Variants in AKT2 observed in about 807,000 individuals in gnomAD.
The protein encoded by AKT2 is AKT serine/threonine kinase 2.
AKT2 carries 16 observed loss-of-function variants against 58.6 expected under a neutral mutation model. The ratio of observed to expected loss-of-function variants is 0.27; its 90% CI spans 0.18 to 0.41. AKT2 has a LOEUF of 0.41. Ranked by LOEUF, AKT2 falls within the 10% of genes least tolerant of loss-of-function variation. The pLI is 1.00. For synonymous variants in AKT2, 253 were observed against 254.0 expected, an observed-to-expected ratio of 1.00 and a Z score of 0.04; for missense variants, 438 against 661.0, an observed-to-expected ratio of 0.66 and a Z score of 3.70.
At chr19:40,281,990 G>A (rs968197747) in intron 1 of AKT2, among the ~76,000 whole-genome samples, 8 of 152,186 alleles carry the variant, frequency 5.3e-5, no homozygotes, top group African/African-American at 9.6e-5. Flanking sequence ...CCTGCTCAAG[G>A]TCACACAGCC....
chr19:40,252,679 C>A (rs1393794805), intron 4 of AKT2, among the ~76,000 whole-genome samples: 1 of 152,200 alleles, frequency 6.6e-6, no homozygotes, highest in Non-Finnish European at 1.5e-5. Flanking sequence ...ACACTCCTGG[C>A]CCCTTGGTTC....
At chr19:40,239,100 G>A (rs1373512789) in intron 7 of AKT2, 127 bp from the exon 8 acceptor site, 8 of 870,552 alleles carry the variant, frequency 9.2e-6, no homozygotes, top group Admixed American at 7.8e-5. Flanking sequence ...GCCCCCAGGA[G>A]TCAGCCATAT....
chr19:40,252,747 G>A (rs1324972566), intron 4 of AKT2, among the ~76,000 whole-genome samples: 1 of 152,102 alleles, frequency 6.6e-6, no homozygotes, highest in Admixed American at 6.6e-5. Context: ...TCACCTCCAG[G>A]TCTTTGCATA....
intron 4 of AKT2, among the ~76,000 whole-genome samples, chr19:40,251,554 A>C (rs1405502536): frequency 6.6e-6 from 1 of 152,208 alleles, no homozygotes; most frequent in Non-Finnish European, 1.5e-5. Flanking sequence ...CTTGTCAAAA[A>C]AATAAATAAA....
chr19:40,263,183 A>G (rs1976087755), intron 2 of AKT2, among the ~76,000 whole-genome samples: 1 of 152,128 alleles, frequency 6.6e-6, no homozygotes, highest in African/African-American at 2.4e-5. Flanking sequence ...TGCCCCTCCA[A>G]CAGTTCCACA....
At chr19:40,284,235 C>T (rs950008384) in intron 1 of AKT2, among the ~76,000 whole-genome samples, 5 of 152,134 alleles carry the variant, frequency 3.3e-5, no homozygotes, top group African/African-American at 1.2e-4. Flanking sequence ...CCCAAACACT[C>T]CTTCCTCCCA....
chr19:40,281,505 AAAC>A (rs1260627254), intron 1 of AKT2, among the ~76,000 whole-genome samples: 3 of 151,978 alleles, frequency 2.0e-5, no homozygotes, highest in Admixed American at 6.5e-5. Context: ...AGAAAAAAAA[AAAC>A]AAGCACAGAG....
At chr19:40,281,731 T>A (rs924253627) in intron 1 of AKT2, among the ~76,000 whole-genome samples, 2 of 152,258 alleles carry the variant, frequency 1.3e-5, no homozygotes, top group Non-Finnish European at 2.9e-5. Flanking sequence ...TTCTGTGAAC[T>A]GGCAAAGGCC....
intron 1 of AKT2, among the ~76,000 whole-genome samples, chr19:40,277,602 A>T (rs2077350227): frequency 6.6e-6 from 1 of 152,066 alleles, no homozygotes; most frequent in Non-Finnish European, 1.5e-5. Context: ...CTCCAGCTAC[A>T]TGGGCCTGCT....
rs41309435 is a variant in AKT2 at position 40,235,955 on chromosome 19, C to A, written c.1110G>T (p.Pro370=). ...ELILMEEIRF[P]RTLSPEAKSL... ...ACTTGGCCTCGGGGCTGAGCGTGCG[C>A]GGGAAGCGGATCTCTTCCATGAGGA... The change falls in exon 11 of 14, where the codon CCG becomes CCT. Residue 370 remains proline, a synonymous_variant. Coordinates refer to ENST00000392038, the MANE Select transcript of AKT2 (RefSeq NM_001626.6). The surrounding 1 kb of genome is among the most constrained non-coding windows in gnomAD (Gnocchi z 6.3). 2.8e-3 allele frequency: 4,577 copies of A among 1,613,886 alleles called. 20 individuals carry two copies. The highest frequency in any genetic ancestry group is 2.5e-3 in the Non-Finnish European group (2,993 of 1,180,014).
In AKT2 at chr19:40,242,238, G is replaced by A. The variant is rs1440849080; in HGVS notation, c.442-169C>T. ...ACTGTGTGTTCTGAAGCGGCCTTCA[G>A]ACCAGGCTCTGCAGGCACAGGGCCT... On this transcript the variant is annotated intron_variant, in intron 5 of 13. Coordinates refer to ENST00000392038, the MANE Select transcript of AKT2 (RefSeq NM_001626.6). This position sits in a 1 kb window ranked among gnomAD's most constrained non-coding sequence, Gnocchi z 4.3. 4 of 1,053,630 alleles carry A rather than the reference G, an allele frequency of 3.8e-6. No individual in the cohort carries two copies. The highest frequency in any genetic ancestry group is 5.6e-6 in the Non-Finnish European group (4 of 712,126). The allele number at this position is 1,053,630 out of a possible 1,614,324, so 65.3% of individuals were successfully genotyped here. A position where few individuals can be genotyped will look rare whatever the true frequency, so the allele number is the denominator to read the frequency against.
intron 4 of AKT2, among the ~76,000 whole-genome samples, chr19:40,246,973 G>C (rs1003100179): frequency 6.6e-6 from 1 of 152,236 alleles, no homozygotes; most frequent in African/African-American, 2.4e-5. Context: ...CACTCGCAGG[G>C]GCGGGCCTAC....
Position 40,233,702 on chromosome 19 carries a change from G to A in AKT2, c.*170C>T. On this transcript the variant is annotated 3_prime_UTR_variant, in exon 14 of 14. Transcript: ENST00000392038. The surrounding 1 kb of genome is among the most constrained non-coding windows in gnomAD (Gnocchi z 4.3). ...GTGAGGCTGGAGGCTGGAGGCAGGG[G>A]CTGCAGGGGCCGCTGGGGTGCGTCT... The A allele has an allele frequency of 1.3e-6, 1 of 780,876 alleles. No homozygotes were observed. Among genetic ancestry groups the A allele is most frequent in the South Asian group, 1.4e-5 (1 of 73,450 alleles). The allele number at this position is 780,876 out of a possible 1,614,324, so 48.4% of individuals were successfully genotyped here.
At chr19:40,260,628 CAAAAAAAAAAAAA>C (rs34124347) in intron 2 of AKT2, among the ~76,000 whole-genome samples, 12 of 25,000 alleles carry the variant, frequency 4.8e-4, no homozygotes, top group South Asian at 4.7e-3. Context: ...GATTCCATCT[CAAAAAAAAAAAAA>C]AAAAAAAAAA....
intron 1 of AKT2, chr19:40,269,129 C>G (rs1046860550): frequency 6.6e-6 from 1 of 152,438 alleles, no homozygotes; most frequent in African/African-American, 2.4e-5. Context: ...AAAAAGATGG[C>G]CTGATCACTC....
chr19:40,279,453 T>C (rs1299807357), intron 1 of AKT2: 2 of 152,222 alleles, frequency 1.3e-5, no homozygotes, highest in African/African-American at 4.8e-5. Flanking sequence ...AGGCCTGTGG[T>C]TGAGGGCCTT....
chr19:40,275,485 C>T (rs1354622378), intron 1 of AKT2: 6 of 369,776 alleles, frequency 1.6e-5, no homozygotes, highest in Admixed American at 1.0e-4. Context: ...GTGTTACTAT[C>T]CCCGTTCCTC....
chr19:40,276,817 A>C (rs2077335090), intron 1 of AKT2, among the ~76,000 whole-genome samples: 1 of 152,172 alleles, frequency 6.6e-6, no homozygotes, highest in Non-Finnish European at 1.5e-5. Context: ...AAAGTTCAAG[A>C]TCAGCCTGAG....
rs1048604423 is a variant in AKT2, at chr19:40,285,324, C to A, written c.-228G>T. 3 of 394,304 alleles carry A rather than the reference C, an allele frequency of 7.6e-6. No individual in the cohort carries two copies. The highest frequency in any genetic ancestry group is 3.6e-5 in the East Asian group (1 of 27,788). The allele number at this position is 394,304 out of a possible 1,614,324, so 24.4% of individuals were successfully genotyped here. ...GGCGGCGGCGACGCCTCCTCCGAGGCAGGCCCAACGGCTAGCACGGCGCGG... is the reference window on the plus strand; with the variant it reads ...GGCGGCGGCGACGCCTCCTCCGAGGAAGGCCCAACGGCTAGCACGGCGCGG... On this transcript the variant is annotated 5_prime_UTR_variant, in exon 1 of 14. Coordinates refer to ENST00000392038, the MANE Select transcript of AKT2 (RefSeq NM_001626.6).
Sources: allele counts gnomAD v4.1 joint callset (sites outside exome capture counted in the v4.1 genomes callset), GRCh38; gene constraint gnomAD v4.1.1; non-coding constraint Gnocchi (gnomAD v3.1); transcripts MANE v1.5; gene names NCBI Gene and HGNC (gene_info 2026-07-23, HGNC 2026-07-21).